The following LIPK variants were observed in gnomAD, a reference collection of about 807,000 sequenced individuals.
The protein encoded by LIPK is lipase family member K.
LIPK carries 32 observed loss-of-function variants against 48.6 expected under a neutral mutation model. That is an observed-to-expected ratio of 0.66 (90% CI 0.50 to 0.88). The LOEUF is 0.88. LIPK is among the 40% of genes least tolerant of loss of function. The pLI, the probability that LIPK is intolerant of heterozygous loss-of-function variation, is 0.00. For missense variants in LIPK, 507 were observed against 478.5 expected (o/e 1.06, Z -0.56); for synonymous variants, 164 against 157.4 (o/e 1.04, Z -0.32).
In LIPK at chr10:88,752,672, T is replaced by C; in HGVS notation, c.1116T>C (p.His372=). ...ACAAGCTGATTCCACACTACAATCA[T>C]GTGGATTTTTACCTTGGAGAGGATG... The part of the protein sequence containing the change: ...IYYKLIPHYN[H]VDFYLGEDAP... The change falls in exon 10 of 10, where the codon CAT becomes CAC. Residue 372 remains histidine (H), a synonymous_variant. Transcript: ENST00000404190. 1 of 1,577,746 alleles carries C rather than the reference T, an allele frequency of 6.3e-7. No individual in the cohort carries two copies. Among genetic ancestry groups the C allele is most frequent in the Admixed American group, 1.8e-5 (1 of 54,716 alleles).
intron 1 of LIPK, among the ~76,000 whole-genome samples, chr10:88,721,776 G>A (rs541377642): frequency 3.3e-5 from 5 of 152,254 alleles, no homozygotes; most frequent in East Asian, 1.9e-4. Flanking sequence ...GCCTCAAAAC[G>A]CCAGCCACTC....
intron 3 of LIPK, chr10:88,728,735 G>A: frequency 7.0e-6 from 2 of 284,776 alleles, no homozygotes; most frequent in Non-Finnish European, 1.4e-5. Flanking sequence ...CAGGTGGGCT[G>A]GGCTCGGCCT....
At chr10:88,748,018 C>A (rs1842799155) in intron 9 of LIPK, among the ~76,000 whole-genome samples, 1 of 152,060 alleles carries the variant, frequency 6.6e-6, no homozygotes, top group Non-Finnish European at 1.5e-5. Context: ...AAATGCCCAT[C>A]AATAATAGAC....
At chr10:88,719,334 A>G (rs1842177557) in intron 1 of LIPK, among the ~76,000 whole-genome samples, 1 of 152,212 alleles carries the variant, frequency 6.6e-6, no homozygotes, top group South Asian at 2.1e-4. Flanking sequence ...TAATAATAAA[A>G]ACAGTAATAG....
At chr10:88,728,043 C>A in intron 3 of LIPK, 5 of 357,774 alleles carry the variant, frequency 1.4e-5, no homozygotes, top group Non-Finnish European at 2.2e-5. Flanking sequence ...TGGAGGACTT[C>A]AAGAGTAAGT....
chr10:88,716,755 T>A (rs993992028), intron 1 of LIPK, among the ~76,000 whole-genome samples: 6 of 152,098 alleles, frequency 3.9e-5, no homozygotes, highest in Admixed American at 1.3e-4. Context: ...AAGAGAATAA[T>A]TCTATTTGAG....
rs1269903291 is a variant in LIPK, at chr10:88,740,071, A to G, written c.888+4A>G. On this transcript the variant is annotated splice_donor_region_variant and intron_variant, in intron 8 of 9. Coordinates refer to ENST00000404190, the MANE Select transcript of LIPK (RefSeq NM_001080518.2). ...GAATATGCTGCACTGGGCTCAGGTAAGTGCTTCTTATTCCTGCTTGATGCA... is the reference window on the plus strand; with the variant it reads ...GAATATGCTGCACTGGGCTCAGGTAGGTGCTTCTTATTCCTGCTTGATGCA... The G allele has an allele frequency of 5.0e-6, 8 of 1,610,186 alleles. No individual in the cohort carries two copies. The highest frequency in any genetic ancestry group is 1.7e-5 in the Admixed American group (1 of 59,866).
At chr10:88,739,361 C>T (rs1769699) in intron 7 of LIPK, among the ~76,000 whole-genome samples, 33,051 of 151,920 alleles carry the variant, frequency 0.22, 3,749 homozygotes, top group East Asian at 0.37. Flanking sequence ...TTCTTTAATC[C>T]CCTATACCCT....
At chr10:88,747,778 G>C (rs975856144) in intron 9 of LIPK, among the ~76,000 whole-genome samples, 1 of 152,162 alleles carries the variant, frequency 6.6e-6, no homozygotes, top group Non-Finnish European at 1.5e-5. Flanking sequence ...CGAGGCTGTG[G>C]AGAAATAGGA....
chr10:88,735,258 C>T (rs1192953675), intron 6 of LIPK, among the ~76,000 whole-genome samples: 1 of 152,176 alleles, frequency 6.6e-6, no homozygotes, highest in Non-Finnish European at 1.5e-5. Context: ...TCCCATTTTG[C>T]CCCTGGACAT....
chr10:88,737,710 A>T lies in LIPK; in HGVS notation c.745A>T (p.Lys249Ter). The T allele has an allele frequency of 6.2e-7, 1 of 1,613,902 alleles. No individual in the cohort carries two copies. Among genetic ancestry groups the T allele is most frequent in the Non-Finnish European group, 8.5e-7 (1 of 1,179,794 alleles). The change falls in exon 7 of 10, where the codon AAG (lysine) becomes TAG (stop). Residue 249 changes from lysine (K) to a stop codon, truncating the protein, a stop_gained. Transcript: ENST00000404190. LOFTEE classifies it high-confidence loss of function. Reference sequence around the variant, plus strand: ...CATTGCCACCAAAGTGTGCAATCGAAAGCTATTCCGTCGTATTTGCAGCAA... The same window carrying T: ...CATTGCCACCAAAGTGTGCAATCGATAGCTATTCCGTCGTATTTGCAGCAA... ...QFIATKVCNR[K>*]LFRRICSNFL... is the part of the protein sequence containing the mutation.
chr10:88,732,326 CTCT>C, intron 5 of LIPK, 39 bp downstream of exon 5: 6 of 1,593,752 alleles, frequency 3.8e-6, no homozygotes, highest in East Asian at 2.2e-5. Context: ...ATGTCAGGGG[CTCT>C]TCTTCCATAT....
intron 7 of LIPK, among the ~76,000 whole-genome samples, chr10:88,739,015 T>C (rs1414808109): frequency 3.3e-5 from 5 of 152,256 alleles, no homozygotes; most frequent in African/African-American, 1.2e-4. Context: ...CCTAAGATGT[T>C]TCTGATGCTT....
intron 4 of LIPK, among the ~76,000 whole-genome samples, chr10:88,731,977 T>C (rs1307009278): frequency 3.3e-5 from 5 of 152,258 alleles, no homozygotes; most frequent in African/African-American, 1.2e-4. Flanking sequence ...ATCAAATTTT[T>C]CTGATTTCAG....
At chr10:88,731,330 C>G in intron 4 of LIPK, 149 bp downstream of exon 4, 1 of 661,200 alleles carries the variant, frequency 1.5e-6, no homozygotes, top group Non-Finnish European at 2.4e-6. Context: ...CCCAAACTTT[C>G]TTCACAGGCT....
At chr10:88,737,608 T>A (rs1464976719) in intron 6 of LIPK, 27 bp from the exon 7 acceptor site, 5 of 1,610,858 alleles carry the variant, frequency 3.1e-6, no homozygotes, top group African/African-American at 2.7e-5. Context: ...CCTGTAAGAT[T>A]TGATGGTGTT....
intron 9 of LIPK, among the ~76,000 whole-genome samples, chr10:88,750,182 A>G (rs535037875): frequency 4.6e-5 from 7 of 152,210 alleles, no homozygotes; most frequent in Non-Finnish European, 1.0e-4. Context: ...TTGTGGAGAA[A>G]GAATGGTCAT....
chr10:88,726,792 T>A lies in LIPK; in HGVS notation c.106-3T>A. 6.9e-7 allele frequency: 1 copy of A among 1,451,398 alleles called. No individual in the cohort carries two copies. Among genetic ancestry groups the A allele is most frequent in the South Asian group, 1.2e-5 (1 of 85,226 alleles). 89.9% of individuals were successfully genotyped at this position (1,451,398 alleles called of 1,614,324 possible). A position where few individuals can be genotyped will look rare whatever the true frequency, so the allele number is the denominator to read the frequency against. On this transcript the variant is annotated splice_polypyrimidine_tract_variant and splice_region_variant and intron_variant, in intron 2 of 9. Transcript: ENST00000404190. ...AGGTATATATTTCCTTTCCTCTTTT[T>A]AGAGCCAGATTATTTCTTACTGGGG...
chr10:88,739,924 A>G (rs1304018650), intron 7 of LIPK, 72 bp from the exon 8 acceptor site: 5 of 889,434 alleles, frequency 5.6e-6, no homozygotes, highest in Non-Finnish European at 8.7e-6. Context: ...AAACTTTTTA[A>G]ATTTCTCTCA....
Sources: allele counts gnomAD v4.1 joint callset (sites outside exome capture counted in the v4.1 genomes callset), GRCh38; gene constraint gnomAD v4.1.1; transcripts MANE v1.5; gene names NCBI Gene and HGNC (gene_info 2026-07-23, HGNC 2026-07-21).